The following DOCK4 variants were observed in gnomAD, a reference collection of about 807,000 sequenced individuals.
DOCK4 encodes the protein dedicator of cytokinesis protein 4.
Under a neutral mutation model 268.1 loss-of-function variants are expected in DOCK4, and 97 were observed. That is an observed-to-expected ratio of 0.36 (90% CI 0.31 to 0.43). DOCK4 has a LOEUF of 0.43. DOCK4 is among the 20% of genes least tolerant of loss of function. The pLI is 1.00. For missense variants in DOCK4, 2,145 were observed against 2,455.7 expected (o/e 0.87, Z 2.67); for synonymous variants, 954 against 887.2 (o/e 1.08, Z -1.34).
intron 52 of DOCK4, among the ~76,000 whole-genome samples, chr7:111,730,267 G>A (rs1443832031): frequency 6.6e-6 from 1 of 152,100 alleles, no homozygotes; most frequent in Non-Finnish European, 1.5e-5. Flanking sequence ...AAACATATTC[G>A]CATTTTCAAG....
chr7:112,199,958 G>A (rs922477945), intron 1 of DOCK4, among the ~76,000 whole-genome samples: 2 of 152,230 alleles, frequency 1.3e-5, no homozygotes, highest in Non-Finnish European at 2.9e-5. Context: ...ACAGAAGACA[G>A]ACTTTGACTT....
intron 1 of DOCK4, among the ~76,000 whole-genome samples, chr7:112,122,772 C>T (rs1171970761): frequency 6.6e-6 from 1 of 152,052 alleles, no homozygotes; most frequent in Non-Finnish European, 1.5e-5. Flanking sequence ...TTTTTGTCTG[C>T]TTTAATTAAT....
intron 1 of DOCK4, among the ~76,000 whole-genome samples, chr7:112,034,709 G>A (rs1451252257): frequency 6.6e-6 from 1 of 152,168 alleles, no homozygotes; most frequent in African/African-American, 2.4e-5. Flanking sequence ...AGACCAGCCT[G>A]GGCATCATGG....
In DOCK4 at chr7:112,191,040, C is replaced by T. The variant is rs564192325; in HGVS notation, c.37+15062G>A. On this transcript the variant is annotated intron_variant, in intron 1 of 52. Coordinates refer to ENST00000428084, the MANE Select transcript of DOCK4 (RefSeq NM_001363540.2). ...GGAATCCTCCCTTTTTTCTAGCCCC[C>T]TACCTTCTAGGCATCCCTGTTACTG... Among the ~76,000 whole-genome samples, 5 of 152,216 alleles carry T rather than the reference C, an allele frequency of 3.3e-5. No individual in the cohort carries two copies. In the South Asian group the frequency reaches 1.0e-3, roughly 32 times the overall value.
intron 2 of DOCK4, 109 bp downstream of exon 2, chr7:112,003,939 A>T: frequency 1.4e-6 from 1 of 713,768 alleles, no homozygotes; most frequent in Non-Finnish European, 2.1e-6. Context: ...GTCAAAAATG[A>T]CTTGTGGTGA....
Position 111,747,276 on chromosome 7 carries a change from C to T in DOCK4, c.4584G>A (p.Arg1528=), listed in dbSNP as rs758588123. 6.2e-7 allele frequency: 1 copy of T among 1,612,666 alleles called. No homozygotes were observed. Among genetic ancestry groups the T allele is most frequent in the South Asian group, 1.1e-5 (1 of 90,738 alleles). The change falls in exon 43 of 53, where the codon AGG becomes AGA. Residue 1528 remains arginine (R), a synonymous_variant. Coordinates refer to ENST00000428084, the MANE Select transcript of DOCK4 (RefSeq NM_001363540.2). ...AATACCTAATCCTTACCTCTTGATACCTGGAAACGCCACCATTAACTGCAG... is the reference window on the plus strand; with the variant it reads ...AATACCTAATCCTTACCTCTTGATATCTGGAAACGCCACCATTAACTGCAG... ...IDAAVNGGVS[R]YQEAFFVKEY...
chr7:112,171,743 C>G (rs1391820498), intron 1 of DOCK4, among the ~76,000 whole-genome samples: 1 of 152,208 alleles, frequency 6.6e-6, no homozygotes, highest in African/African-American at 2.4e-5. Flanking sequence ...CCAAATATTT[C>G]AAACAATTCT....
At chr7:111,761,062 CT>C (rs34238929) in intron 39 of DOCK4, among the ~76,000 whole-genome samples, 1,942 of 140,784 alleles carry the variant, frequency 0.014, 21 homozygotes, top group East Asian at 0.069. Context: ...GGCTTAAAGT[CT>C]TTTTTTTTTT....
At position 111,991,380 on chromosome 7, in the gene DOCK4, A is replaced by T. The variant is rs578146254; in HGVS notation, c.316-2217T>A. Among the ~76,000 whole-genome samples, 11 of 152,360 alleles carry T rather than the reference A, an allele frequency of 7.2e-5. No individual in the cohort carries two copies. The East Asian group carries it at 2.1e-3, about 29-fold the overall frequency. On this transcript the variant is annotated intron_variant, in intron 5 of 52. Transcript: ENST00000428084. ...AATCATGATTCTTTAAACACTGGATAGTTATGAAGGCTATTCAGATATATG... is the reference window on the plus strand; with the variant it reads ...AATCATGATTCTTTAAACACTGGATTGTTATGAAGGCTATTCAGATATATG...
chr7:111,740,352 C>T (rs1324335590), intron 47 of DOCK4: 6 of 193,354 alleles, frequency 3.1e-5, no homozygotes, highest in Non-Finnish European at 5.5e-5. Flanking sequence ...TCGCTCACCT[C>T]GGCCTCCCAA....
At chr7:112,093,775 T>C (rs1809853043) in intron 1 of DOCK4, among the ~76,000 whole-genome samples, 1 of 151,616 alleles carries the variant, frequency 6.6e-6, no homozygotes, top group East Asian at 1.9e-4. Flanking sequence ...GTTAGCTTTA[T>C]AAAGCTTGCC....
At chr7:111,932,426 G>A (rs1179122163) in intron 12 of DOCK4, among the ~76,000 whole-genome samples, 4 of 152,076 alleles carry the variant, frequency 2.6e-5, no homozygotes, top group Non-Finnish European at 5.9e-5. Flanking sequence ...GATACACCAT[G>A]GTTACCAACT....
At chr7:111,964,589 TG>T (rs1400608919) in intron 8 of DOCK4, among the ~76,000 whole-genome samples, 1 of 136,694 alleles carries the variant, frequency 7.3e-6, no homozygotes, top group Non-Finnish European at 1.5e-5. Context: ...TTGGTGTACC[TG>T]AAAGTGATGG....
At chr7:112,200,734 A>AAAAC (rs1554478918) in intron 1 of DOCK4, among the ~76,000 whole-genome samples, 2 of 117,744 alleles carry the variant, frequency 1.7e-5, no homozygotes. Flanking sequence ...ATAAAAAAAA[A>AAAAC]AAAACAAAAA....
chr7:111,933,279 C>CGTGT (rs1210971817), intron 12 of DOCK4, among the ~76,000 whole-genome samples: 12 of 91,226 alleles, frequency 1.3e-4, no homozygotes, highest in African/African-American at 2.6e-4. Flanking sequence ...TACATATATA[C>CGTGT]ATATATATAT....
At position 111,728,280 on chromosome 7, in the gene DOCK4, C is replaced by A. The variant is rs752915503; in HGVS notation, c.5922G>T (p.Gln1974His). 11 of 1,494,030 alleles carry A rather than the reference C, an allele frequency of 7.4e-6. No homozygotes were observed. Among genetic ancestry groups the A allele is most frequent in the Non-Finnish European group, 9.8e-6 (11 of 1,121,852 alleles). The allele number at this position is 1,494,030 out of a possible 1,614,324, so 92.5% of individuals were successfully genotyped here. A position where few individuals can be genotyped will look rare whatever the true frequency, so the allele number is the denominator to read the frequency against. The change falls in exon 53 of 53, where the codon CAG becomes CAT. Residue 1974 changes from glutamine to histidine, a missense_variant. Gln to His is a conservative substitution (Grantham distance 24). Coordinates refer to ENST00000428084, the MANE Select transcript of DOCK4 (RefSeq NM_001363540.2). ...AGGTACATAGAAAAGTGACTTATAA[C>A]TGAGAGACCTTGCGGGGCAGGGGCC... is the stretch of plus-strand genomic sequence containing the variant. ...RPRPLPRKVS[Q>H]L is the part of the protein sequence containing the mutation.
At chr7:112,010,265 A>C (rs1801182476) in intron 1 of DOCK4, among the ~76,000 whole-genome samples, 1 of 152,104 alleles carries the variant, frequency 6.6e-6, no homozygotes. Context: ...TCAGTAGTCT[A>C]TTTCAAGGTA....
chr7:111,895,675 G>A lies in DOCK4; in HGVS notation c.1524C>T (p.Val508=). 1 of 1,613,844 alleles carries A rather than the reference G, an allele frequency of 6.2e-7. No homozygotes were observed. The highest frequency in any genetic ancestry group is 8.5e-7 in the Non-Finnish European group (1 of 1,179,856). Residue 508 remains valine, a synonymous_variant, in exon 16 of 53, where the codon GTC becomes GTT. Transcript: ENST00000428084. ...GEKKLFGFSF[V]PLMQEDGRTL... ...TCCTACCATCTTCTTGCATCAGAGG[G>A]ACAAAAGAAAACCCAAACAACTTCT...
intron 1 of DOCK4, among the ~76,000 whole-genome samples, chr7:112,059,870 T>C (rs1183498069): frequency 3.3e-5 from 5 of 152,152 alleles, no homozygotes; most frequent in African/African-American, 1.2e-4. Flanking sequence ...AAATTACTGC[T>C]CTCAAAGTCT....
Sources: gnomAD v4.1 joint callset for allele counts (sites outside exome capture counted in the v4.1 genomes callset) on GRCh38, gnomAD v4.1.1 for gene constraint, MANE v1.5 for transcripts, NCBI Gene and HGNC (gene_info 2026-07-23, HGNC 2026-07-21) for gene names.